PTPRO: variants seen among roughly 807,000 people sequenced by gnomAD.
PTPRO encodes receptor-type tyrosine-protein phosphatase O.
Under a neutral mutation model 145.2 loss-of-function variants are expected in PTPRO, and 62 were observed. The observed-to-expected ratio is 0.43, with a 90% confidence interval of 0.35 to 0.53. The LOEUF is 0.53. Ranked by LOEUF, PTPRO falls within the 20% of genes least tolerant of loss-of-function variation. The probability of loss-of-function intolerance (pLI) is 0.01; values close to 1 mark genes in which losing one functional copy is unlikely to be tolerated. For synonymous variants in PTPRO, 565 were observed against 514.7 expected, an observed-to-expected ratio of 1.10 and a Z score of -1.32; for missense variants, 1,345 against 1,482.7, an observed-to-expected ratio of 0.91 and a Z score of 1.53.
At chr12:15,588,461 G>A (rs1944475603) in intron 24 of PTPRO, among the ~76,000 whole-genome samples, 1 of 152,190 alleles carries the variant, frequency 6.6e-6, no homozygotes, top group East Asian at 1.9e-4. Flanking sequence ...GACTGTGATG[G>A]GCAGTTGGTC....
In PTPRO at chr12:15,586,050, G is replaced by A. The variant is rs573290614; in HGVS notation, c.3256-847G>A. Among the ~76,000 whole-genome samples, 71 of 152,292 alleles carry A rather than the reference G, an allele frequency of 4.7e-4. No individual in the cohort carries two copies. The South Asian group carries it at 8.7e-3, about 19-fold the overall frequency. On this transcript the variant is annotated intron_variant, in intron 23 of 26. Coordinates refer to ENST00000281171, the MANE Select transcript of PTPRO (RefSeq NM_030667.3). ...GATGGTAATGAGGTACTAGTAAGTA[G>A]TAATATCACACACATGATTACACTT... is the stretch of plus-strand genomic sequence containing the variant.
chr12:15,432,710 C>T (rs1488538369), intron 1 of PTPRO, among the ~76,000 whole-genome samples: 21 of 152,268 alleles, frequency 1.4e-4, no homozygotes, highest in African/African-American at 3.6e-4. Flanking sequence ...TGGTGTGAGA[C>T]GGCATCTCAT....
chr12:15,579,267 T>C (rs1270621893), intron 20 of PTPRO, among the ~76,000 whole-genome samples: 4 of 152,346 alleles, frequency 2.6e-5, no homozygotes, highest in East Asian at 1.9e-4. Context: ...AATTCATTGG[T>C]AATGGAAAGA....
At chr12:15,495,394 T>C (rs981751892) in intron 2 of PTPRO, among the ~76,000 whole-genome samples, 6 of 148,846 alleles carry the variant, frequency 4.0e-5, no homozygotes, top group Admixed American at 1.4e-4. Flanking sequence ...ACATACTAGA[T>C]CCTCAATAGT....
intron 3 of PTPRO, among the ~76,000 whole-genome samples, chr12:15,499,222 T>C (rs909045039): frequency 2.0e-5 from 3 of 152,206 alleles, no homozygotes; most frequent in African/African-American, 4.8e-5. Flanking sequence ...CAATTGTGTT[T>C]GATCTGCTTA....
chr12:15,460,379 T>A (rs1941274869), intron 1 of PTPRO, among the ~76,000 whole-genome samples: 1 of 152,198 alleles, frequency 6.6e-6, no homozygotes, highest in Non-Finnish European at 1.5e-5. Context: ...AAGCACAATA[T>A]ACATTTTGAT....
intron 1 of PTPRO, among the ~76,000 whole-genome samples, chr12:15,470,874 G>A (rs1357316550): frequency 1.3e-5 from 2 of 152,188 alleles, no homozygotes; most frequent in Non-Finnish European, 2.9e-5. Context: ...GCAGCCTACA[G>A]GCTGGGGCAG....
rs1591776955 is a variant in PTPRO, at chr12:15,590,281, C to T, written c.3546+691C>T. On this transcript the variant is annotated intron_variant, in intron 25 of 26. Coordinates refer to ENST00000281171, the MANE Select transcript of PTPRO (RefSeq NM_030667.3). The stretch of plus-strand genomic sequence containing the variant: ...CCAAGGCAACGCCGGCAGACAGCAC[C>T]GCCTGCCTCAGAGCAGCCGTGGGTG... 1.3e-5 allele frequency among the ~76,000 whole-genome samples: 2 copies of T among 152,176 alleles called. 1 individual carries two copies. Among genetic ancestry groups the T allele is most frequent in the South Asian group, 4.1e-4 (2 of 4,824 alleles).
chr12:15,560,414 A>G lies in PTPRO; in HGVS notation c.2711+138A>G, dbSNP rs569765695. On this transcript the variant is annotated intron_variant, in intron 17 of 26. Transcript: ENST00000281171. ...AGTTATTAATCATGTATTGAAGTGA[A>G]TTAAAGCAGTTACCGGTACAAAGAT... 5 of 699,274 alleles carry G rather than the reference A, an allele frequency of 7.2e-6. No homozygotes were observed. In the South Asian group the frequency reaches 8.6e-5, roughly 12 times the overall value. The allele number at this position is 699,274 out of a possible 1,614,324, so 43.3% of individuals were successfully genotyped here.
intron 1 of PTPRO, chr12:15,346,424 G>A (rs1007593394): frequency 5.9e-5 from 9 of 152,298 alleles, no homozygotes; most frequent in Non-Finnish European, 1.2e-4. Context: ...CTTTATATGT[G>A]GATATCAGTT....
Position 15,417,634 on chromosome 12 carries a change from G to A in PTPRO, c.76-66340G>A, listed in dbSNP as rs534117606. Among the ~76,000 whole-genome samples the A allele has an allele frequency of 8.6e-5, 13 of 151,650 alleles. 1 individual carries two copies. The highest frequency in any genetic ancestry group is 2.1e-4 in the South Asian group (1 of 4,822). ...AAGGTCCCCAAGAAAATCAGTACACGCATTATGTTTAAGAAGCTACTCTAA... is the reference window on the plus strand; with the variant it reads ...AAGGTCCCCAAGAAAATCAGTACACACATTATGTTTAAGAAGCTACTCTAA... On this transcript the variant is annotated intron_variant, in intron 1 of 26. Coordinates refer to ENST00000281171, the MANE Select transcript of PTPRO (RefSeq NM_030667.3).
At chr12:15,542,396 T>C (rs373017021) in intron 12 of PTPRO, among the ~76,000 whole-genome samples, 3 of 152,362 alleles carry the variant, frequency 2.0e-5, no homozygotes, top group Admixed American at 6.5e-5. Flanking sequence ...TGGGCTGCAT[T>C]CAAAGCCATT....
At chr12:15,325,039 CAAT>C (rs1244113037) in intron 1 of PTPRO, among the ~76,000 whole-genome samples, 1 of 152,114 alleles carries the variant, frequency 6.6e-6, no homozygotes, top group African/African-American at 2.4e-5. Flanking sequence ...AACTGTATCT[CAAT>C]AATAAAATCC....
chr12:15,377,125 G>GA (rs1938712760), intron 1 of PTPRO, among the ~76,000 whole-genome samples: 4 of 152,056 alleles, frequency 2.6e-5, no homozygotes, highest in African/African-American at 9.7e-5. Context: ...GCGTTAATAT[G>GA]AACTAGATTA....
intron 1 of PTPRO, among the ~76,000 whole-genome samples, chr12:15,468,173 T>A (rs1941459401): frequency 6.6e-6 from 1 of 152,216 alleles, no homozygotes; most frequent in Non-Finnish European, 1.5e-5. Context: ...CATCAGTATT[T>A]CCTTCTATCC....
chr12:15,436,780 A>T (rs1031398838), intron 1 of PTPRO, among the ~76,000 whole-genome samples: 10 of 152,330 alleles, frequency 6.6e-5, no homozygotes, highest in Middle Eastern at 3.4e-3. Flanking sequence ...GAAGCATCTT[A>T]TCTGGAGTGG....
intron 1 of PTPRO, among the ~76,000 whole-genome samples, chr12:15,418,242 G>A (rs942867870): frequency 1.3e-5 from 2 of 151,800 alleles, no homozygotes; most frequent in African/African-American, 4.9e-5. Context: ...CAGTGTGAAT[G>A]TGGTTAATCA....
At chr12:15,460,705 G>A (rs1941281750) in intron 1 of PTPRO, among the ~76,000 whole-genome samples, 2 of 152,126 alleles carry the variant, frequency 1.3e-5, no homozygotes, top group African/African-American at 4.8e-5. Flanking sequence ...ACATTGTAAT[G>A]GAAATATCAC....
chr12:15,520,427 A>G (rs1942691832), intron 10 of PTPRO, 115 bp downstream of exon 10: 1 of 735,048 alleles, frequency 1.4e-6, no homozygotes, highest in South Asian at 1.5e-5. Flanking sequence ...GTGAGCATCA[A>G]TTTCATGGGA....
Sources: gnomAD v4.1 joint callset for allele counts (sites outside exome capture counted in the v4.1 genomes callset) on GRCh38, gnomAD v4.1.1 for gene constraint, MANE v1.5 for transcripts, NCBI Gene and HGNC (gene_info 2026-07-23, HGNC 2026-07-21) for gene names.